TAFA5: variants seen among roughly 807,000 people sequenced by gnomAD.
TAFA5 encodes TAFA chemokine like family member 5, also known as chemokine-like protein TAFA-5.
TAFA5 carries 6 observed loss-of-function variants against 15.3 expected under a neutral mutation model. The ratio of observed to expected loss-of-function variants is 0.39; its 90% CI spans 0.21 to 0.77. TAFA5 has a LOEUF of 0.77. Among genes scored for constraint, TAFA5 ranks in the 30% least tolerant of loss-of-function variants. The probability of loss-of-function intolerance (pLI) is 0.41; values close to 1 mark genes in which losing one functional copy is unlikely to be tolerated. For missense variants in TAFA5, 161 were observed against 193.1 expected, an observed-to-expected ratio of 0.83 and a Z score of 0.98; for synonymous variants, 103 against 80.7, an observed-to-expected ratio of 1.28 and a Z score of -1.48.
intron 1 of TAFA5, among the ~76,000 whole-genome samples, chr22:48,507,115 G>GACAA (rs1569161970): frequency 1.4e-4 from 20 of 147,712 alleles, no homozygotes; most frequent in African/African-American, 5.1e-4. Flanking sequence ...GAAGGAGGTG[G>GACAA]CCGCCAAGGG....
rs184772715 is a variant in TAFA5 at position 48,652,899 on chromosome 22, G to A, written c.262+6153G>A. On this transcript the variant is annotated intron_variant, in intron 2 of 3. Transcript: ENST00000402357. Reference sequence around the variant, plus strand: ...TTCTGGAGGCTTCCCGAGGCCATGGGCGACTGGGTGTACAGCCACATCCTC... The same window carrying A: ...TTCTGGAGGCTTCCCGAGGCCATGGACGACTGGGTGTACAGCCACATCCTC... 4.3e-3 allele frequency among the ~76,000 whole-genome samples: 662 copies of A among 152,252 alleles called. 3 individuals are homozygous for A. The highest frequency in any genetic ancestry group is 0.02 in the Middle Eastern group (6 of 294).
At chr22:48,706,055 G>A (rs1929068282) in intron 2 of TAFA5, among the ~76,000 whole-genome samples, 1 of 152,244 alleles carries the variant, frequency 6.6e-6, no homozygotes, top group Non-Finnish European at 1.5e-5. Context: ...TGGGGGCTGG[G>A]GGCCATGGGG....
intron 2 of TAFA5, among the ~76,000 whole-genome samples, chr22:48,655,395 A>G (rs1194404558): frequency 6.6e-6 from 1 of 152,218 alleles, no homozygotes; most frequent in Non-Finnish European, 1.5e-5. Context: ...AATTTATTTT[A>G]CACTGTTCTG....
chr22:48,679,261 G>T (rs868149068), intron 2 of TAFA5, among the ~76,000 whole-genome samples: 2 of 47,774 alleles, frequency 4.2e-5, no homozygotes, highest in South Asian at 8.3e-4. Flanking sequence ...CCCTCTCCCG[G>T]CTCCCCATCC....
At chr22:48,623,853 G>A (rs1455695381) in intron 1 of TAFA5, among the ~76,000 whole-genome samples, 1 of 152,230 alleles carries the variant, frequency 6.6e-6, no homozygotes, top group African/African-American at 2.4e-5. Flanking sequence ...AGTTCAGAAC[G>A]TTCCCATATA....
At chr22:48,575,097 T>A (rs1674002778) in intron 1 of TAFA5, among the ~76,000 whole-genome samples, 1 of 152,120 alleles carries the variant, frequency 6.6e-6, no homozygotes, top group Non-Finnish European at 1.5e-5. Context: ...CAGCCGCTGG[T>A]CGGGCCCGGC....
At chr22:48,644,531 C>A (rs908541840) in intron 1 of TAFA5, among the ~76,000 whole-genome samples, 2 of 152,194 alleles carry the variant, frequency 1.3e-5, no homozygotes, top group African/African-American at 4.8e-5. Flanking sequence ...CGGGCACTCC[C>A]CAGGGTTGAG....
At chr22:48,639,081 T>A (rs1926581104) in intron 1 of TAFA5, among the ~76,000 whole-genome samples, 1 of 152,180 alleles carries the variant, frequency 6.6e-6, no homozygotes, top group African/African-American at 2.4e-5. Flanking sequence ...AGCTCAGAGA[T>A]GGTGCCCATG....
At chr22:48,613,630 A>G (rs1467131722) in intron 1 of TAFA5, among the ~76,000 whole-genome samples, 1 of 151,816 alleles carries the variant, frequency 6.6e-6, no homozygotes, top group African/African-American at 2.4e-5. Flanking sequence ...ATCTCCATTG[A>G]GTGTTTGGTT....
intron 2 of TAFA5, among the ~76,000 whole-genome samples, chr22:48,673,787 G>C (rs1927876963): frequency 6.6e-6 from 1 of 152,174 alleles, no homozygotes; most frequent in Non-Finnish European, 1.5e-5. Flanking sequence ...CCACTCTGTG[G>C]AGCTGTGGTC....
intron 2 of TAFA5, among the ~76,000 whole-genome samples, chr22:48,681,529 T>TA (rs1928186883): frequency 6.7e-6 from 1 of 149,382 alleles, no homozygotes; most frequent in East Asian, 2.0e-4. Context: ...TAGGTGCCTG[T>TA]AATCCCAGCT....
chr22:48,574,542 T>C (rs929410043), intron 1 of TAFA5, among the ~76,000 whole-genome samples: 3 of 152,146 alleles, frequency 2.0e-5, no homozygotes, highest in African/African-American at 7.2e-5. Context: ...CCAGGCCTCT[T>C]TCCCTTCCTG....
chr22:48,719,098 A>G (rs1046559629), intron 3 of TAFA5, among the ~76,000 whole-genome samples: 2 of 152,160 alleles, frequency 1.3e-5, no homozygotes, highest in Non-Finnish European at 2.9e-5. Flanking sequence ...GGGATTTTCA[A>G]CTTTTTCTTT....
At chr22:48,585,750 C>T (rs146650817) in intron 1 of TAFA5, among the ~76,000 whole-genome samples, 250 of 151,760 alleles carry the variant, frequency 1.6e-3, no homozygotes, top group African/African-American at 5.6e-3. Flanking sequence ...ACACCACATA[C>T]GCATACCAAA....
At chr22:48,659,566 G>A (rs1569068035) in intron 2 of TAFA5, among the ~76,000 whole-genome samples, 2 of 152,248 alleles carry the variant, frequency 1.3e-5, no homozygotes, top group African/African-American at 2.4e-5. Flanking sequence ...GGGAGGAGGC[G>A]GTGGCCAAGC....
intron 1 of TAFA5, among the ~76,000 whole-genome samples, chr22:48,558,839 C>T (rs1025370010): frequency 6.6e-6 from 1 of 152,216 alleles, no homozygotes; most frequent in Non-Finnish European, 1.5e-5. Flanking sequence ...GGTGCCTGGG[C>T]GAACGGCGGG....
At chr22:48,518,323 T>G (rs1921485691) in intron 1 of TAFA5, among the ~76,000 whole-genome samples, 1 of 152,206 alleles carries the variant, frequency 6.6e-6, no homozygotes, top group Admixed American at 6.5e-5. Context: ...TAAGGCGCTC[T>G]GCCCCCCAGA....
chr22:48,499,281 C>T (rs375283480), intron 1 of TAFA5, among the ~76,000 whole-genome samples: 2 of 152,184 alleles, frequency 1.3e-5, no homozygotes, highest in East Asian at 3.9e-4. Context: ...GCACCGACGG[C>T]GGCGCCCATC....
intron 2 of TAFA5, among the ~76,000 whole-genome samples, chr22:48,658,489 C>T (rs765322795): frequency 1.2e-4 from 19 of 152,230 alleles, no homozygotes; most frequent in Non-Finnish European, 1.6e-4. Flanking sequence ...CTGCATCTTG[C>T]GTGAGTGACG....
Sources: gnomAD v4.1 joint callset for allele counts (sites outside exome capture counted in the v4.1 genomes callset) on GRCh38, gnomAD v4.1.1 for gene constraint, MANE v1.5 for transcripts, NCBI Gene and HGNC (gene_info 2026-07-23, HGNC 2026-07-21) for gene names.